Variants in ATL3 observed in about 807,000 individuals in gnomAD.
The protein encoded by ATL3 is atlastin-3.
A neutral mutation model predicts 69.5 loss-of-function variants in ATL3; 49 were observed. The ratio of observed to expected loss-of-function variants is 0.71; its 90% CI spans 0.56 to 0.89. The LOEUF (loss-of-function observed/expected upper bound fraction) is 0.89. ATL3 is among the 40% of genes least tolerant of loss of function. The pLI is 0.00. For missense variants in ATL3, 606 were observed against 645.7 expected (o/e 0.94, Z 0.67); for synonymous variants, 214 against 224.1 (o/e 0.95, Z 0.40).
At chr11:63,663,765 G>A (rs1361058377) in intron 1 of ATL3, among the ~76,000 whole-genome samples, 4 of 152,302 alleles carry the variant, frequency 2.6e-5, no homozygotes, top group Admixed American at 6.5e-5. Flanking sequence ...GAGATGTCTG[G>A]TTGTTCCCCC....
chr11:63,638,790 AGTTATACCAAAACTAAGATCAT>A (rs1161773226), intron 8 of ATL3, among the ~76,000 whole-genome samples: 67 of 152,250 alleles, frequency 4.4e-4, no homozygotes, highest in African/African-American at 1.2e-3. Context: ...GCTCAGCATC[AGTTATACCAAAACTAAGATCAT>A]GTTTGGCAGG....
intron 6 of ATL3, among the ~76,000 whole-genome samples, chr11:63,645,969 G>A (rs898052766): frequency 2.0e-5 from 3 of 151,920 alleles, no homozygotes; most frequent in Non-Finnish European, 4.4e-5. Context: ...GTTCCATGTT[G>A]GCCAAGCTGG....
At chr11:63,654,216 G>A (rs1188558970) in intron 3 of ATL3, among the ~76,000 whole-genome samples, 6 of 149,688 alleles carry the variant, frequency 4.0e-5, no homozygotes, top group Non-Finnish European at 7.4e-5. Flanking sequence ...GCGCGATCTC[G>A]GCTCACTGCA....
In ATL3 at chr11:63,629,346, T is replaced by C. The variant is rs201636843; in HGVS notation, c.1599A>G (p.Arg533=). 7,183 of 1,614,128 alleles carry C rather than the reference T, an allele frequency of 4.5e-3. 291 individuals carry two copies. The South Asian group carries it at 0.073, about 16-fold the overall frequency. The change falls in exon 13 of 13, where the codon AGA becomes AGG. Residue 533 remains arginine, a synonymous_variant. Coordinates refer to ENST00000398868, the MANE Select transcript of ATL3 (RefSeq NM_015459.5). ...QATVRDAVVG[R]PSMDKKAQ ...ATTGAGCTTTTTTATCCATGGATGGTCTTCCAACAACTGCATCCCTCACAG... is the reference window on the plus strand; with the variant it reads ...ATTGAGCTTTTTTATCCATGGATGGCCTTCCAACAACTGCATCCCTCACAG...
In ATL3 at chr11:63,636,742, GAA is replaced by G. The variant is rs35563503; in HGVS notation, c.851-410_851-409del. ...AAACAAGAGTGAAACTCCATCTCAAGAAAAAAAAAAAAAAAGTGGGAGAGAAG... is the reference window on the plus strand; with the variant it reads ...AAACAAGAGTGAAACTCCATCTCAAGAAAAAAAAAAAAAGTGGGAGAGAAG... On this transcript the variant is annotated intron_variant, in intron 8 of 12. Coordinates refer to ENST00000398868, the MANE Select transcript of ATL3 (RefSeq NM_015459.5). Among the ~76,000 whole-genome samples, 267 of 142,776 alleles carry G rather than the reference GAA, an allele frequency of 1.9e-3. 1 individual carries two copies. Among genetic ancestry groups the G allele is most frequent in the Non-Finnish European group, 1.8e-3 (118 of 65,396 alleles). 93.7% of individuals were successfully genotyped at this position (142,776 alleles called of 152,430 possible).
At chr11:63,650,364 T>C (rs1940033152) in intron 5 of ATL3, among the ~76,000 whole-genome samples, 1 of 152,220 alleles carries the variant, frequency 6.6e-6, no homozygotes, top group Non-Finnish European at 1.5e-5. Flanking sequence ...ATTTTGTTGC[T>C]AAAGTCAATT....
At chr11:63,653,326 G>A (rs973698585) in intron 3 of ATL3, among the ~76,000 whole-genome samples, 4 of 151,998 alleles carry the variant, frequency 2.6e-5, no homozygotes, top group Admixed American at 6.6e-5. Context: ...AAAAATGGGC[G>A]TGGTGGTGCA....
rs1424029933 is a variant in ATL3 at position 63,624,202 on chromosome 11, TAA to T, written c.*5115_*5116del. On this transcript the variant is annotated 3_prime_UTR_variant, in exon 13 of 13. Transcript: ENST00000398868. ...CCATTGCACTTTTTAAAAACTATATTAAGTTTCAAAGCCACTCAAAGGCAAGG... is the reference window on the plus strand; with the variant it reads ...CCATTGCACTTTTTAAAAACTATATTGTTTCAAAGCCACTCAAAGGCAAGG... The T allele has an allele frequency of 5.3e-5, 8 of 152,186 alleles. No individual in the cohort carries two copies. The highest frequency in any genetic ancestry group is 7.2e-5 in the African/African-American group (3 of 41,448). The allele number at this position is 152,186 out of a possible 1,614,324, so 9.4% of individuals were successfully genotyped here.
chr11:63,646,481 A>G, intron 6 of ATL3, 26 bp downstream of exon 6: 2 of 1,355,654 alleles, frequency 1.5e-6, no homozygotes, highest in Non-Finnish European at 2.0e-6. Context: ...AAAGGTATGA[A>G]TTATATTTAA....
intron 10 of ATL3, among the ~76,000 whole-genome samples, chr11:63,634,232 C>G (rs534409904): frequency 2.0e-3 from 296 of 149,884 alleles, no homozygotes; most frequent in Non-Finnish European, 3.7e-3. Context: ...GGGGGCTGGG[C>G]GCGGTGACTC....
chr11:63,657,175 C>G (rs1413675467), intron 3 of ATL3, among the ~76,000 whole-genome samples: 1 of 143,818 alleles, frequency 7.0e-6, no homozygotes, highest in Admixed American at 7.2e-5. Context: ...TGCCACTGCA[C>G]TCCAGCCTGG....
Position 63,628,367 on chromosome 11 carries a change from C to T in ATL3, c.*952G>A, listed in dbSNP as rs1285493151. On this transcript the variant is annotated 3_prime_UTR_variant, in exon 13 of 13. Transcript: ENST00000398868. ...AAGTTGCAACAAAACTGTCAGCCTA[C>T]TGGGTAAAAACCTCACATTTCAGAG... is the stretch of plus-strand genomic sequence containing the variant. 6.6e-6 allele frequency: 1 copy of T among 151,320 alleles called. No homozygotes were observed. Among genetic ancestry groups the T allele is most frequent in the Non-Finnish European group, 1.5e-5 (1 of 67,890 alleles). The allele number at this position is 151,320 out of a possible 1,614,324, so 9.4% of individuals were successfully genotyped here. A position where few individuals can be genotyped will look rare whatever the true frequency, so the allele number is the denominator to read the frequency against.
chr11:63,642,037 A>G (rs1939717507), intron 8 of ATL3, among the ~76,000 whole-genome samples: 1 of 152,172 alleles, frequency 6.6e-6, no homozygotes. Context: ...AGTACAACCA[A>G]TAATGGAGCA....
At chr11:63,656,223 C>CA (rs200680867) in intron 3 of ATL3, among the ~76,000 whole-genome samples, 15,882 of 119,382 alleles carry the variant, frequency 0.13, 988 homozygotes, top group Middle Eastern at 0.25. Context: ...GACTCCGTCT[C>CA]AAAAAAAAAA....
At chr11:63,633,878 C>A (rs1203312301) in intron 10 of ATL3, among the ~76,000 whole-genome samples, 3 of 150,590 alleles carry the variant, frequency 2.0e-5, no homozygotes, top group Non-Finnish European at 4.4e-5. Context: ...ACCAAAAACA[C>A]AAAAAAATTA....
At chr11:63,646,464 C>T (rs1939883232) in intron 6 of ATL3, 43 bp downstream of exon 6, 1 of 1,330,730 alleles carries the variant, frequency 7.5e-7, no homozygotes. Flanking sequence ...TCTGTGAAAA[C>T]AAAAACAAAG....
chr11:63,658,667 G>C, intron 3 of ATL3, 94 bp downstream of exon 3: 4 of 1,332,236 alleles, frequency 3.0e-6, no homozygotes, highest in African/African-American at 1.5e-5. Flanking sequence ...TAAATTCTTT[G>C]ATAAAAGGTT....
intron 1 of ATL3, among the ~76,000 whole-genome samples, chr11:63,668,179 T>C (rs1737889924): frequency 6.6e-6 from 1 of 152,202 alleles, no homozygotes; most frequent in Non-Finnish European, 1.5e-5. Flanking sequence ...AAATATCATA[T>C]TCTCCAAAGG....
intron 3 of ATL3, among the ~76,000 whole-genome samples, chr11:63,657,208 C>CAAAAAAAAAAAAAAAAAAAA (rs1254213240): frequency 2.3e-4 from 14 of 59,900 alleles, no homozygotes; most frequent in African/African-American, 7.1e-4. Context: ...GACTACATCT[C>CAAAAAAAAAAAAAAAAAAAA]AAAAAAAAAA....
Sources: gnomAD v4.1 joint callset for allele counts (sites outside exome capture counted in the v4.1 genomes callset) on GRCh38, gnomAD v4.1.1 for gene constraint, MANE v1.5 for transcripts, NCBI Gene and HGNC (gene_info 2026-07-23, HGNC 2026-07-21) for gene names.